PARN: variants seen among roughly 807,000 people sequenced by gnomAD.
PARN encodes poly(A)-specific ribonuclease PARN.
Under a neutral mutation model 102.8 loss-of-function variants are expected in PARN, and 71 were observed. That is an observed-to-expected ratio of 0.69 (90% confidence interval 0.57 to 0.84). The LOEUF is 0.84. Among genes scored for constraint, PARN ranks in the 40% least tolerant of loss-of-function variants. PARN has a pLI of 0.00. For synonymous variants in PARN, 261 were observed against 252.9 expected (o/e 1.03, Z -0.30); for missense variants, 782 against 760.9 (o/e 1.03, Z -0.33).
chr16:14,448,251 C>T (rs983097112), intron 22 of PARN, among the ~76,000 whole-genome samples: 9 of 152,196 alleles, frequency 5.9e-5, no homozygotes, highest in East Asian at 1.9e-4. Flanking sequence ...CGGGTTCAAG[C>T]GATTCTCCTG....
At chr16:14,479,715 G>A (rs770696707) in intron 22 of PARN, among the ~76,000 whole-genome samples, 3 of 152,000 alleles carry the variant, frequency 2.0e-5, no homozygotes, top group Non-Finnish European at 2.9e-5. Flanking sequence ...AGACATACAC[G>A]ATCAGTTGAT....
At chr16:14,525,660 C>G (rs779185113) in intron 21 of PARN, among the ~76,000 whole-genome samples, 1 of 152,142 alleles carries the variant, frequency 6.6e-6, no homozygotes, top group South Asian at 2.1e-4. Flanking sequence ...TATGACAGAG[C>G]CGCTCAGTGA....
intron 18 of PARN, among the ~76,000 whole-genome samples, chr16:14,563,146 T>C (rs1368532065): frequency 6.6e-6 from 1 of 152,234 alleles, no homozygotes; most frequent in Non-Finnish European, 1.5e-5. Flanking sequence ...TTTCAAATTC[T>C]ACATTACCAA....
chr16:14,536,368 G>A (rs1966605947), intron 21 of PARN, among the ~76,000 whole-genome samples: 1 of 151,808 alleles, frequency 6.6e-6, no homozygotes, highest in South Asian at 2.1e-4. Flanking sequence ...CAAAAACAAC[G>A]ACAAAACATT....
intron 2 of PARN, among the ~76,000 whole-genome samples, chr16:14,628,570 T>A (rs1972822057): frequency 6.6e-6 from 1 of 152,242 alleles, no homozygotes; most frequent in South Asian, 2.1e-4. Context: ...GATTCCTGTA[T>A]AAACAGACAT....
intron 18 of PARN, among the ~76,000 whole-genome samples, chr16:14,580,195 C>A (rs1969432192): frequency 1.3e-5 from 2 of 152,118 alleles, no homozygotes; most frequent in African/African-American, 4.8e-5. Context: ...TGGTCTCAAT[C>A]TCCTGACTTC....
At chr16:14,552,942 C>CT (rs1301452247) in intron 20 of PARN, among the ~76,000 whole-genome samples, 7 of 151,522 alleles carry the variant, frequency 4.6e-5, no homozygotes, top group Admixed American at 4.6e-4. Flanking sequence ...GAACGAAACT[C>CT]TGTCTCAAAA....
rs142522870 is a variant in PARN at position 14,451,466 on chromosome 16, ACT to A, written c.1671-4387_1671-4386del. On this transcript the variant is annotated intron_variant, in intron 22 of 23. Coordinates refer to ENST00000437198, the MANE Select transcript of PARN (RefSeq NM_002582.4). ...TAATTCAGCAATTAAAAAATGAATT[ACT>A]GTTACCTCCAACAACACGGATGAAT... 5.3e-3 allele frequency among the ~76,000 whole-genome samples: 805 copies of A among 152,328 alleles called. 27 individuals carry two copies. The highest frequency in any genetic ancestry group is 0.045 in the Admixed American group (682 of 15,306).
chr16:14,497,605 C>T (rs557736357), intron 21 of PARN, among the ~76,000 whole-genome samples: 2 of 152,208 alleles, frequency 1.3e-5, no homozygotes, highest in Non-Finnish European at 2.9e-5. Context: ...GCACAGTGCT[C>T]CATGTTTCTT....
intron 5 of PARN, among the ~76,000 whole-genome samples, chr16:14,618,060 GC>G (rs1246496100): frequency 6.6e-6 from 1 of 152,064 alleles, no homozygotes; most frequent in Non-Finnish European, 1.5e-5. Context: ...AGTGGCTCAT[GC>G]CTGTAATCCC....
At chr16:14,606,170 C>A (rs1971166951) in intron 10 of PARN, among the ~76,000 whole-genome samples, 1 of 152,072 alleles carries the variant, frequency 6.6e-6, no homozygotes, top group Non-Finnish European at 1.5e-5. Flanking sequence ...GAGGCCGAGG[C>A]GGGCAAATTG....
intron 22 of PARN, among the ~76,000 whole-genome samples, chr16:14,481,652 A>G (rs1041700783): frequency 6.6e-6 from 1 of 152,204 alleles, no homozygotes; most frequent in Admixed American, 6.5e-5. Flanking sequence ...TTTAATCTCT[A>G]AAAAACCATT....
intron 21 of PARN, among the ~76,000 whole-genome samples, chr16:14,536,939 A>T (rs1314290496): frequency 6.6e-6 from 1 of 152,204 alleles, no homozygotes; most frequent in East Asian, 1.9e-4. Flanking sequence ...AAATAACAGA[A>T]AAATGAGACT....
At chr16:14,612,027 G>A (rs1971546946) in intron 6 of PARN, among the ~76,000 whole-genome samples, 1 of 152,170 alleles carries the variant, frequency 6.6e-6, no homozygotes, top group South Asian at 2.1e-4. Context: ...GTGGGCTCTT[G>A]TTTGTAACCC....
chr16:14,625,711 A>G (rs1017034202), intron 5 of PARN, among the ~76,000 whole-genome samples: 2 of 152,182 alleles, frequency 1.3e-5, no homozygotes, highest in African/African-American at 2.4e-5. Context: ...ATTTGTTTAT[A>G]TACTGCCAGT....
At chr16:14,480,433 T>C (rs1963315751) in intron 22 of PARN, among the ~76,000 whole-genome samples, 1 of 152,112 alleles carries the variant, frequency 6.6e-6, no homozygotes, top group Non-Finnish European at 1.5e-5. Context: ...AGCAAAAATA[T>C]CTGACAAAGG....
At chr16:14,619,470 T>A (rs1225293912) in intron 5 of PARN, among the ~76,000 whole-genome samples, 1 of 150,956 alleles carries the variant, frequency 6.6e-6, no homozygotes, top group Non-Finnish European at 1.5e-5. Flanking sequence ...TATTTTAAAA[T>A]AAGTATATAT....
chr16:14,479,920 C>CAAAAAAAAAAAA (rs58833234), intron 22 of PARN, among the ~76,000 whole-genome samples: 2 of 102,882 alleles, frequency 1.9e-5, no homozygotes, highest in Non-Finnish European at 2.2e-5. Flanking sequence ...AACCTTCTAC[C>CAAAAAAAAAAAA]AAAAAAAAAA....
At chr16:14,452,261 T>A (rs1434309828) in intron 22 of PARN, among the ~76,000 whole-genome samples, 3 of 152,346 alleles carry the variant, frequency 2.0e-5, no homozygotes, top group Admixed American at 6.5e-5. Context: ...CATAAACAAC[T>A]GACTGCTATG....
Sources: gnomAD v4.1 joint callset for allele counts (sites outside exome capture counted in the v4.1 genomes callset) on GRCh38, gnomAD v4.1.1 for gene constraint, MANE v1.5 for transcripts, NCBI Gene and HGNC (gene_info 2026-07-23, HGNC 2026-07-21) for gene names.